Variants in CACNA2D3 observed in about 807,000 individuals in gnomAD.
The protein encoded by CACNA2D3 is calcium voltage-gated channel auxiliary subunit alpha2delta 3, also known as voltage-dependent calcium channel subunit alpha-2/delta-3.
In CACNA2D3, 60 loss-of-function variants were observed where a neutral mutation model predicts 160.6. The observed-to-expected ratio is 0.37, with a 90% CI of 0.30 to 0.46. The LOEUF is 0.46. Among genes scored for constraint, CACNA2D3 ranks in the 20% least tolerant of loss-of-function variants. CACNA2D3 has a pLI of 1.00. For missense variants in CACNA2D3, 1,205 were observed against 1,365.0 expected, an observed-to-expected ratio of 0.88 and a Z score of 1.85; for synonymous variants, 558 against 492.9, an observed-to-expected ratio of 1.13 and a Z score of -1.75.
chr3:54,267,700 A>G (rs1164342841), intron 2 of CACNA2D3, among the ~76,000 whole-genome samples: 2 of 152,210 alleles, frequency 1.3e-5, no homozygotes, highest in African/African-American at 4.8e-5. Flanking sequence ...CTTGTGCTAT[A>G]TATGACTGAA....
rs560733039 is a variant in CACNA2D3 at position 54,596,225 on chromosome 3, G to A, written c.963+14348G>A. Among the ~76,000 whole-genome samples the A allele has an allele frequency of 2.4e-4, 37 of 151,978 alleles. 1 individual carries two copies. The South Asian group carries it at 4.0e-3, about 16-fold the overall frequency. ...CTCCAGTCCCCGCCCCCCATATCTA[G>A]TCTAGCTGGCCCTCCGCAGTTACTG... On this transcript the variant is annotated intron_variant, in intron 9 of 37. Transcript: ENST00000474759.
At chr3:54,343,701 C>G (rs892156795) in intron 3 of CACNA2D3, among the ~76,000 whole-genome samples, 1 of 152,130 alleles carries the variant, frequency 6.6e-6, no homozygotes, top group Non-Finnish European at 1.5e-5. Context: ...GAGCCACCAT[C>G]CCCAGTGGAG....
intron 4 of CACNA2D3, among the ~76,000 whole-genome samples, chr3:54,399,590 G>C (rs1426004823): frequency 3.9e-5 from 1 of 25,944 alleles, no homozygotes; most frequent in Admixed American, 4.6e-4. Flanking sequence ...TGAGGTGTCA[G>C]TGTGCCCCTG....
intron 27 of CACNA2D3, among the ~76,000 whole-genome samples, chr3:54,949,200 A>G (rs912500523): frequency 2.6e-5 from 4 of 152,170 alleles, no homozygotes; most frequent in Non-Finnish European, 4.4e-5. Context: ...GTCAGTGCCT[A>G]TCACTTTGGC....
chr3:54,766,176 A>G (rs948963844), intron 13 of CACNA2D3, among the ~76,000 whole-genome samples: 5 of 152,228 alleles, frequency 3.3e-5, no homozygotes, highest in African/African-American at 4.8e-5. Context: ...ACACATCATA[A>G]GCAAAGCCAA....
intron 2 of CACNA2D3, among the ~76,000 whole-genome samples, chr3:54,129,072 T>A (rs1039988636): frequency 2.0e-5 from 3 of 150,740 alleles, no homozygotes; most frequent in Non-Finnish European, 4.4e-5. Context: ...GAAAATGATA[T>A]GAGGAAGAGG....
At chr3:54,455,151 T>G (rs1186107474) in intron 4 of CACNA2D3, among the ~76,000 whole-genome samples, 1 of 151,798 alleles carries the variant, frequency 6.6e-6, no homozygotes, top group Non-Finnish European at 1.5e-5. Flanking sequence ...CTATTTTGAG[T>G]TTTTTTTGAA....
At chr3:54,272,318 A>C (rs182680955) in intron 2 of CACNA2D3, among the ~76,000 whole-genome samples, 173 of 152,284 alleles carry the variant, frequency 1.1e-3, no homozygotes, top group African/African-American at 3.9e-3. Context: ...GCTTCACCCC[A>C]GCTGCTTGCA....
intron 2 of CACNA2D3, among the ~76,000 whole-genome samples, chr3:54,286,035 A>G (rs1191021682): frequency 6.6e-6 from 1 of 152,196 alleles, no homozygotes; most frequent in African/African-American, 2.4e-5. Context: ...TCCTCCTCCA[A>G]AGGAATGCAG....
In CACNA2D3 at chr3:54,472,825, A is replaced by G. The variant is rs574787255; in HGVS notation, c.382-30667A>G. On this transcript the variant is annotated intron_variant, in intron 4 of 37. Transcript: ENST00000474759. ...AATAAAACACCTAGGTATACGACTT[A>G]TAAGGGATATGAAAGACCTCTTCAA... is the stretch of plus-strand genomic sequence containing the variant. Among the ~76,000 whole-genome samples, 12 of 152,364 alleles carry G rather than the reference A, an allele frequency of 7.9e-5. No homozygotes were observed. The East Asian group carries it at 1.2e-3, about 15-fold the overall frequency.
At chr3:54,130,593 A>AC (rs1699687137) in intron 2 of CACNA2D3, among the ~76,000 whole-genome samples, 1 of 147,480 alleles carries the variant, frequency 6.8e-6, no homozygotes, top group African/African-American at 2.5e-5. Flanking sequence ...GGTAGGGACT[A>AC]CCATTCACCC....
chr3:54,957,865 G>A (rs1051575602), intron 27 of CACNA2D3, among the ~76,000 whole-genome samples: 1 of 152,164 alleles, frequency 6.6e-6, no homozygotes, highest in Non-Finnish European at 1.5e-5. Flanking sequence ...TTTTTCCAAA[G>A]CACAAATCTA....
At chr3:54,626,181 G>A (rs976637481) in intron 9 of CACNA2D3, 28 of 724,550 alleles carry the variant, frequency 3.9e-5, no homozygotes, top group Admixed American at 8.6e-5. Context: ...GCGCAGGCGC[G>A]GACCAGAGAG....
chr3:54,853,000 G>C (rs1253693788), intron 17 of CACNA2D3, among the ~76,000 whole-genome samples: 1 of 151,980 alleles, frequency 6.6e-6, no homozygotes, highest in South Asian at 2.1e-4. Flanking sequence ...GAAATAGCAG[G>C]TCCTTTCGTC....
intron 9 of CACNA2D3, among the ~76,000 whole-genome samples, chr3:54,582,548 C>T (rs1051440367): frequency 6.6e-6 from 1 of 152,220 alleles, no homozygotes; most frequent in Non-Finnish European, 1.5e-5. Flanking sequence ...CACTATACCA[C>T]CCCTGCAGGG....
chr3:54,269,037 A>G (rs1223049031), intron 2 of CACNA2D3, among the ~76,000 whole-genome samples: 1 of 152,130 alleles, frequency 6.6e-6, no homozygotes, highest in Non-Finnish European at 1.5e-5. Flanking sequence ...TGGAGAGAAG[A>G]GTTCCTGTGG....
At chr3:54,220,125 A>G (rs11917278) in intron 2 of CACNA2D3, among the ~76,000 whole-genome samples, 51,871 of 151,720 alleles carry the variant, frequency 0.34, 10,089 homozygotes, top group Non-Finnish European at 0.43. Flanking sequence ...AAAAAATTGT[A>G]GTTTTTTCCT....
intron 11 of CACNA2D3, among the ~76,000 whole-genome samples, chr3:54,728,485 A>G (rs149211179): frequency 2.0e-5 from 3 of 152,048 alleles, no homozygotes; most frequent in African/African-American, 7.2e-5. Context: ...GTTATTTTAG[A>G]GTCTGTGCCT....
intron 5 of CACNA2D3, among the ~76,000 whole-genome samples, chr3:54,544,022 A>G (rs1315960155): frequency 6.6e-6 from 1 of 152,184 alleles, no homozygotes; most frequent in East Asian, 1.9e-4. Flanking sequence ...TTCAAAACAA[A>G]AAAGCCTTGT....
Sources: gnomAD v4.1 joint callset for allele counts (sites outside exome capture counted in the v4.1 genomes callset) on GRCh38, gnomAD v4.1.1 for gene constraint, MANE v1.5 for transcripts, NCBI Gene and HGNC (gene_info 2026-07-23, HGNC 2026-07-21) for gene names.